Variants in RANBP17 observed in about 807,000 individuals in gnomAD.
RANBP17 encodes the protein RAN binding protein 17.
In RANBP17, 158 loss-of-function variants were observed where a neutral mutation model predicts 141.2. That is an observed-to-expected ratio of 1.12 (90% confidence interval 0.98 to 1.28). The LOEUF (loss-of-function observed/expected upper bound fraction) is 1.28. Among genes scored for constraint, RANBP17 ranks in the 50% most tolerant of loss-of-function variants. RANBP17 has a pLI of 0.00. For missense variants in RANBP17, 1,438 were observed against 1,290.7 expected (o/e 1.11, Z -1.75); for synonymous variants, 430 against 450.0 (o/e 0.96, Z 0.56).
chr5:171,183,541 T>C, intron 18 of RANBP17, 111 bp downstream of exon 18: 1 of 698,744 alleles, frequency 1.4e-6, no homozygotes, highest in South Asian at 1.9e-5. Context: ...ATTAGCGTCT[T>C]CTGACAGTTT....
intron 25 of RANBP17, among the ~76,000 whole-genome samples, chr5:171,276,918 TAAAAAAAAA>T (rs149425836): frequency 9.7e-5 from 8 of 82,236 alleles, no homozygotes; most frequent in Non-Finnish European, 1.9e-4. Flanking sequence ...AAATGTATCT[TAAAAAAAAA>T]AAAAAAAAAA....
At chr5:171,290,459 C>G (rs966026948) in intron 25 of RANBP17, among the ~76,000 whole-genome samples, 2 of 151,934 alleles carry the variant, frequency 1.3e-5, no homozygotes, top group Non-Finnish European at 2.9e-5. Context: ...TGCTTTACAT[C>G]CCATGTTAGG....
chr5:171,034,873 G>C (rs915869903), intron 14 of RANBP17, among the ~76,000 whole-genome samples: 2 of 152,126 alleles, frequency 1.3e-5, no homozygotes, highest in African/African-American at 4.8e-5. Flanking sequence ...CTGGAGTGCA[G>C]TGTTGCCATC....
At chr5:170,950,651 C>T (rs1180642186) in intron 12 of RANBP17, among the ~76,000 whole-genome samples, 2 of 152,056 alleles carry the variant, frequency 1.3e-5, no homozygotes, top group African/African-American at 2.4e-5. Flanking sequence ...TAAATTAAAA[C>T]AGCCATTATG....
Position 171,235,282 on chromosome 5 carries a change from T to C in RANBP17, c.2423-5646T>C, listed in dbSNP as rs139160386. Among the ~76,000 whole-genome samples, 1,079 of 149,674 alleles carry C rather than the reference T, an allele frequency of 7.2e-3. 5 individuals are homozygous for C. Among genetic ancestry groups the C allele is most frequent in the Non-Finnish European group, 0.012 (832 of 67,762 alleles). Reference sequence around the variant, plus strand: ...TGGAAACAATGAATTGAGCAATATCTAGCAGGGGAAGTAAGGCCAAGAGAA... The same window carrying C: ...TGGAAACAATGAATTGAGCAATATCCAGCAGGGGAAGTAAGGCCAAGAGAA... On this transcript the variant is annotated intron_variant, in intron 22 of 27. Transcript: ENST00000523189.
In RANBP17 at chr5:171,265,756, A is replaced by G. The variant is rs1455652329; in HGVS notation, c.2852A>G (p.Glu951Gly). ...VTYLFKHIAKEGKKPLRCREA... is the reference protein window; with the variant it reads ...VTYLFKHIAKGGKKPLRCREA... Reference sequence around the variant, plus strand: ...TACCTCTTCAAGCACATAGCAAAAGAGGGCAAGAAGCCACTTCGATGCAGA... The same window carrying G: ...TACCTCTTCAAGCACATAGCAAAAGGGGGCAAGAAGCCACTTCGATGCAGA... The change falls in exon 25 of 28, where the codon GAG becomes GGG. Residue 951 changes from glutamate (E) to glycine (G), a missense_variant. By Grantham distance (98) the Glu-to-Gly change is moderately conservative. Transcript: ENST00000523189. 1.2e-6 allele frequency: 2 copies of G among 1,614,036 alleles called. No individual in the cohort carries two copies. Among genetic ancestry groups the G allele is most frequent in the African/African-American group, 1.3e-5 (1 of 74,908 alleles).
intron 18 of RANBP17, among the ~76,000 whole-genome samples, chr5:171,185,247 T>C (rs371504732): frequency 6.6e-6 from 1 of 152,244 alleles, no homozygotes; most frequent in Non-Finnish European, 1.5e-5. Context: ...GTAATCTTTT[T>C]CCTGGTGGAA....
At chr5:171,028,767 G>A in intron 14 of RANBP17, 1 of 455,840 alleles carries the variant, frequency 2.2e-6, no homozygotes, top group East Asian at 7.0e-5. Context: ...AGAGCTAGTA[G>A]CTAATGAAGA....
chr5:170,872,420 G>T (rs971190216), intron 1 of RANBP17, among the ~76,000 whole-genome samples: 3 of 152,212 alleles, frequency 2.0e-5, no homozygotes, highest in African/African-American at 4.8e-5. Context: ...GGGCTGAGAT[G>T]ATGGAGTTTT....
At chr5:171,058,102 C>A (rs1056748282) in intron 14 of RANBP17, among the ~76,000 whole-genome samples, 1 of 151,892 alleles carries the variant, frequency 6.6e-6, no homozygotes, top group Non-Finnish European at 1.5e-5. Context: ...TTTCTGTATC[C>A]ATCAAAAATA....
At chr5:171,222,997 C>A (rs1194820570) in intron 22 of RANBP17, among the ~76,000 whole-genome samples, 1 of 152,090 alleles carries the variant, frequency 6.6e-6, no homozygotes, top group Non-Finnish European at 1.5e-5. Context: ...TATTTTAATT[C>A]TGTATGTGTT....
At chr5:171,240,876 C>A in intron 22 of RANBP17, 52 bp from the exon 23 acceptor site, 1 of 1,202,774 alleles carries the variant, frequency 8.3e-7, no homozygotes, top group Non-Finnish European at 1.2e-6. Flanking sequence ...TGTCCCATAA[C>A]TACTTTGAAT....
At chr5:170,973,163 A>G (rs1370414046) in intron 14 of RANBP17, among the ~76,000 whole-genome samples, 2 of 152,188 alleles carry the variant, frequency 1.3e-5, no homozygotes, top group African/African-American at 4.8e-5. Context: ...GTTTTTAGTT[A>G]AAGGGAACAT....
At chr5:170,915,524 T>A (rs1308683848) in intron 8 of RANBP17, among the ~76,000 whole-genome samples, 1 of 152,158 alleles carries the variant, frequency 6.6e-6, no homozygotes, top group Non-Finnish European at 1.5e-5. Flanking sequence ...TTTTTGTTTT[T>A]GTTTTTGTTT....
chr5:171,298,025 T>G (rs2128048100), intron 27 of RANBP17, among the ~76,000 whole-genome samples: 1 of 151,812 alleles, frequency 6.6e-6, no homozygotes, highest in Middle Eastern at 3.4e-3. Flanking sequence ...CCTGGCTAAT[T>G]TTTTATATTT....
At chr5:171,113,975 T>G (rs1755435119) in intron 14 of RANBP17, among the ~76,000 whole-genome samples, 1 of 152,178 alleles carries the variant, frequency 6.6e-6, no homozygotes, top group Admixed American at 6.5e-5. Context: ...AAAAAGGCTT[T>G]GTTTCAGAAA....
intron 1 of RANBP17, among the ~76,000 whole-genome samples, chr5:170,877,088 T>C (rs1218483317): frequency 6.6e-6 from 1 of 152,126 alleles, no homozygotes; most frequent in Non-Finnish European, 1.5e-5. Flanking sequence ...ATTAGATTTA[T>C]ATCATCAAGA....
chr5:171,235,995 C>T (rs1358120815), intron 22 of RANBP17, among the ~76,000 whole-genome samples: 2 of 152,196 alleles, frequency 1.3e-5, no homozygotes, highest in African/African-American at 2.4e-5. Flanking sequence ...TCCTTATCAA[C>T]ACTGCATTGT....
chr5:171,065,300 G>C (rs966506931), intron 14 of RANBP17, among the ~76,000 whole-genome samples: 3 of 152,034 alleles, frequency 2.0e-5, no homozygotes, highest in African/African-American at 7.2e-5. Context: ...CACAGAATGG[G>C]GGGGTGGGGT....
Sources: gnomAD v4.1 joint callset for allele counts (sites outside exome capture counted in the v4.1 genomes callset) on GRCh38, gnomAD v4.1.1 for gene constraint, MANE v1.5 for transcripts, NCBI Gene and HGNC (gene_info 2026-07-23, HGNC 2026-07-21) for gene names.